The following BCAS3 variants were observed in gnomAD, a reference collection of about 807,000 sequenced individuals.
BCAS3 encodes the protein BCAS3 microtubule associated cell migration factor.
Under a neutral mutation model 116.1 loss-of-function variants are expected in BCAS3, and 53 were observed. The ratio of observed to expected loss-of-function variants is 0.46; its 90% confidence interval spans 0.37 to 0.57. The LOEUF (loss-of-function observed/expected upper bound fraction) is 0.57, where lower values mean the gene tolerates loss of function less well. Ranked by LOEUF, BCAS3 falls within the 20% of genes least tolerant of loss-of-function variation. BCAS3 has a pLI of 0.00. For missense variants in BCAS3, 917 were observed against 1,165.4 expected (o/e 0.79, Z 3.10); for synonymous variants, 391 against 408.2 (o/e 0.96, Z 0.51).
chr17:61,184,634 GTT>G (rs1344675901), intron 22 of BCAS3, among the ~76,000 whole-genome samples: 1 of 152,116 alleles, frequency 6.6e-6, no homozygotes, highest in Non-Finnish European at 1.5e-5. Context: ...GAAAATCAGT[GTT>G]TATAAAAAAA....
chr17:61,329,851 G>A (rs1045046293), intron 22 of BCAS3, among the ~76,000 whole-genome samples: 11 of 152,112 alleles, frequency 7.2e-5, no homozygotes, highest in Non-Finnish European at 1.5e-4. Context: ...ACCGCAAGAC[G>A]CCGCTTACCT....
intron 5 of BCAS3, among the ~76,000 whole-genome samples, chr17:60,717,043 G>A (rs1280181949): frequency 6.6e-6 from 1 of 152,110 alleles, no homozygotes; most frequent in African/African-American, 2.4e-5. Flanking sequence ...GGTTGTTGTT[G>A]CTGTGGGTTG....
intron 6 of BCAS3, among the ~76,000 whole-genome samples, chr17:60,783,777 A>G (rs2046033046): frequency 6.6e-6 from 1 of 152,138 alleles, no homozygotes; most frequent in African/African-American, 2.4e-5. Flanking sequence ...AATGAAATGT[A>G]CTCCACCTCA....
intron 16 of BCAS3, chr17:61,027,549 G>A: frequency 3.7e-6 from 1 of 273,502 alleles, no homozygotes; most frequent in Non-Finnish European, 7.2e-6. Context: ...GTCTTAGACA[G>A]GAAGGTCATA....
chr17:61,284,644 CG>C (rs1157761625), intron 22 of BCAS3, among the ~76,000 whole-genome samples: 1 of 148,876 alleles, frequency 6.7e-6, no homozygotes, highest in Non-Finnish European at 1.5e-5. Flanking sequence ...CCCACAACTG[CG>C]TTTTTTTTTT....
At position 61,196,040 on chromosome 17, in the gene BCAS3, C is replaced by T. The variant is rs1354232021; in HGVS notation, c.2425+111476C>T. 2.6e-5 allele frequency among the ~76,000 whole-genome samples: 4 copies of T among 152,120 alleles called. No homozygotes were observed. Among genetic ancestry groups the T allele is most frequent in the African/African-American group, 9.7e-5 (4 of 41,426 alleles). On this transcript the variant is annotated intron_variant, in intron 22 of 23. Transcript: ENST00000407086. The surrounding 1 kb of genome is among the most constrained non-coding windows in gnomAD (Gnocchi z 4.7). ...GGTAGTTTTAAAACTGAAAATATAG[C>T]TTGTTTTTACCTCTCATCTAACTTT... is the stretch of plus-strand genomic sequence containing the variant.
chr17:61,375,675 C>T (rs1228409144), intron 23 of BCAS3, among the ~76,000 whole-genome samples: 2 of 151,584 alleles, frequency 1.3e-5, no homozygotes, highest in Non-Finnish European at 2.9e-5. Context: ...CATGTTCCAG[C>T]GATTCTCCTG....
intron 6 of BCAS3, among the ~76,000 whole-genome samples, chr17:60,755,808 AAAAAT>A (rs1288893905): frequency 6.6e-6 from 1 of 152,132 alleles, no homozygotes; most frequent in African/African-American, 2.4e-5. Flanking sequence ...TTTTAATTTT[AAAAAT>A]TGATACAAAT....
chr17:60,989,441 G>A (rs892875268), intron 14 of BCAS3, among the ~76,000 whole-genome samples: 1 of 151,476 alleles, frequency 6.6e-6, no homozygotes, highest in Non-Finnish European at 1.5e-5. Context: ...CCCTGGCTCA[G>A]GTCTGTGGCT....
In BCAS3 at chr17:61,067,271, GTGTATATA is replaced by G. The variant is rs1375638333; in HGVS notation, c.2030-7647_2030-7640del. On this transcript the variant is annotated intron_variant, in intron 19 of 23. Coordinates refer to ENST00000407086, the MANE Select transcript of BCAS3 (RefSeq NM_017679.5). ...TTCATAACTTTATTTATGTGTGTATGTGTATATATATATATATATATATATATATATAT... is the reference window on the plus strand; with the variant it reads ...TTCATAACTTTATTTATGTGTGTATGTATATATATATATATATATATATAT... Among the ~76,000 whole-genome samples the G allele has an allele frequency of 2.7e-3, 148 of 55,122 alleles. 6 individuals are homozygous for G. Among genetic ancestry groups the G allele is most frequent in the African/African-American group, 0.01 (140 of 13,412 alleles). 36.2% of individuals were successfully genotyped at this position (55,122 alleles called of 152,430 possible). A position where few individuals can be genotyped will look rare whatever the true frequency, so the allele number is the denominator to read the frequency against.
intron 11 of BCAS3, among the ~76,000 whole-genome samples, chr17:60,905,542 G>A (rs780710042): frequency 2.6e-5 from 4 of 152,162 alleles, no homozygotes; most frequent in African/African-American, 9.7e-5. Flanking sequence ...TAACTCTAAT[G>A]TCTGGTTCCC....
rs765640675 is a variant in BCAS3 at position 61,368,446 on chromosome 17, G to A, written c.2545G>A (p.Asp849Asn). The A allele has an allele frequency of 2.6e-5, 42 of 1,612,118 alleles. No individual in the cohort carries two copies. Among genetic ancestry groups the A allele is most frequent in the Non-Finnish European group, 3.4e-5 (40 of 1,178,428 alleles). ...TEEGLRERLA[D>N]AMAESPSRDV... ...GGAGGGCCTCCGGGAGCGACTTGCCGACGCCATGGCCGAGTCACCTAGCCG... is the reference window on the plus strand; with the variant it reads ...GGAGGGCCTCCGGGAGCGACTTGCCAACGCCATGGCCGAGTCACCTAGCCG... The change falls in exon 23 of 24, where the codon GAC (aspartate) becomes AAC (asparagine). Residue 849 changes from aspartate to asparagine, a missense_variant. Coordinates refer to ENST00000407086, the MANE Select transcript of BCAS3 (RefSeq NM_017679.5). The surrounding 1 kb of genome is among the most constrained non-coding windows in gnomAD (Gnocchi z 6.0).
intron 22 of BCAS3, among the ~76,000 whole-genome samples, chr17:61,341,799 T>C (rs187332987): frequency 5.9e-4 from 90 of 152,392 alleles, no homozygotes; most frequent in African/African-American, 2.1e-3. Flanking sequence ...TTCTCTGCGA[T>C]ACCCAAAATA....
intron 13 of BCAS3, 93 bp from the exon 14 acceptor site, chr17:60,947,126 G>A (rs1379489770): frequency 9.6e-6 from 12 of 1,250,566 alleles, no homozygotes; most frequent in Non-Finnish European, 1.3e-5. Flanking sequence ...TTTTCCCATT[G>A]GTAATATTTT....
intron 7 of BCAS3, among the ~76,000 whole-genome samples, chr17:60,831,025 C>T (rs1270967438): frequency 1.3e-5 from 2 of 152,068 alleles, no homozygotes; most frequent in Admixed American, 1.3e-4. Flanking sequence ...GTGTGTCCCA[C>T]CAGACTCGGC....
At chr17:60,741,744 C>T (rs529896505) in intron 5 of BCAS3, among the ~76,000 whole-genome samples, 2 of 152,252 alleles carry the variant, frequency 1.3e-5, no homozygotes, top group South Asian at 4.2e-4. Context: ...AGATAGAACT[C>T]TTGTACGTTG....
At chr17:60,913,271 T>G (rs2058612139) in intron 12 of BCAS3, among the ~76,000 whole-genome samples, 2 of 152,118 alleles carry the variant, frequency 1.3e-5, no homozygotes, top group African/African-American at 4.8e-5. Context: ...CTACCTTTTC[T>G]GTTACTGGTT....
chr17:60,966,783 G>T (rs1240008158), intron 14 of BCAS3, among the ~76,000 whole-genome samples: 3 of 151,358 alleles, frequency 2.0e-5, no homozygotes, highest in Non-Finnish European at 4.4e-5. Context: ...CTCCTGAGTA[G>T]CTGGGATTAC....
At chr17:60,803,963 G>A (rs914141289) in intron 6 of BCAS3, among the ~76,000 whole-genome samples, 16 of 150,164 alleles carry the variant, frequency 1.1e-4, no homozygotes, top group Non-Finnish European at 2.1e-4. Flanking sequence ...CACCACGCCC[G>A]GCTAATTTTT....
Sources: allele counts gnomAD v4.1 joint callset (sites outside exome capture counted in the v4.1 genomes callset), GRCh38; gene constraint gnomAD v4.1.1; non-coding constraint Gnocchi (gnomAD v3.1); transcripts MANE v1.5; gene names NCBI Gene and HGNC (gene_info 2026-07-23, HGNC 2026-07-21).